The following PSPH variants were observed in gnomAD, a reference collection of about 807,000 sequenced individuals.
PSPH encodes the protein L-3-phosphoserine phosphatase.
PSPH carries 16 observed loss-of-function variants against 23.4 expected under a neutral mutation model. The ratio of observed to expected loss-of-function variants is 0.68; its 90% CI spans 0.46 to 1.04. The LOEUF (loss-of-function observed/expected upper bound fraction) is 1.04. PSPH is among the 50% of genes least tolerant of loss of function. The pLI is 0.00. For missense variants in PSPH, 223 were observed against 273.7 expected, an observed-to-expected ratio of 0.81 and a Z score of 1.31; for synonymous variants, 68 against 99.7, an observed-to-expected ratio of 0.68 and a Z score of 1.89.
intron 7 of PSPH, among the ~76,000 whole-genome samples, chr7:56,013,690 C>T (rs1271942877): frequency 6.6e-6 from 1 of 151,370 alleles, no homozygotes; most frequent in Non-Finnish European, 1.5e-5. Flanking sequence ...ATGATCGCAA[C>T]ACTGCACTCC....
In PSPH at chr7:56,017,272, G is replaced by A. The variant is rs779729211; in HGVS notation, c.383C>T (p.Thr128Ile). 5 of 1,613,870 alleles carry A rather than the reference G, an allele frequency of 3.1e-6. No homozygotes were observed. The highest frequency in any genetic ancestry group is 2.2e-5 in the East Asian group (1 of 44,856). Residue 128 changes from threonine (T) to isoleucine (I), a missense_variant, in exon 6 of 8, where the codon ACC becomes ATC. Physicochemically the swap from Thr to Ile is moderately conservative, Grantham distance 89. Transcript: ENST00000275605. Reference protein sequence around the residue: ...HVASKLNIPATNVFANRLKFY... With the variant: ...HVASKLNIPAINVFANRLKFY... ...TTTCAGCCTATTGGCAAATACATTG[G>A]TTGCTGGGATATTGAGCTTTGAAGC...
chr7:56,042,025 C>G (rs1461500390), intron 1 of PSPH, among the ~76,000 whole-genome samples: 1 of 151,656 alleles, frequency 6.6e-6, no homozygotes, highest in Non-Finnish European at 1.5e-5. Flanking sequence ...GAGTTCGAGA[C>G]CAGCCTGGCC....
chr7:56,032,823 G>A (rs1240427411), intron 2 of PSPH, among the ~76,000 whole-genome samples: 7 of 151,916 alleles, frequency 4.6e-5, no homozygotes, highest in African/African-American at 9.7e-5. Flanking sequence ...ATGGTGGTGC[G>A]TATTTGTAGT....
At chr7:56,047,367 C>T (rs1425891426) in intron 1 of PSPH, among the ~76,000 whole-genome samples, 2 of 148,810 alleles carry the variant, frequency 1.3e-5, no homozygotes, top group African/African-American at 2.5e-5. Context: ...CCAGCCTGGG[C>T]GACAGGGTGA....
chr7:56,012,454 C>G (rs1214572576), intron 7 of PSPH, among the ~76,000 whole-genome samples: 2 of 151,552 alleles, frequency 1.3e-5, no homozygotes, highest in Non-Finnish European at 2.9e-5. Flanking sequence ...GTGCTGGGAT[C>G]ACAGGCGTGA....
chr7:56,044,454 A>G (rs1293101040), intron 1 of PSPH, among the ~76,000 whole-genome samples: 5 of 152,204 alleles, frequency 3.3e-5, no homozygotes, highest in African/African-American at 1.2e-4. Context: ...TAGAAAAATT[A>G]GGAGGACAAA....
At position 56,011,661 on chromosome 7, in the gene PSPH, T is replaced by C; in HGVS notation, c.*101A>G. ...AAGTACAGATCATTTGTACCAACTT[T>C]CTATAGCAAGTTGTAATAGGCAACT... On this transcript the variant is annotated 3_prime_UTR_variant, in exon 8 of 8. Transcript: ENST00000275605. 1 of 905,458 alleles carries C rather than the reference T, an allele frequency of 1.1e-6. No individual in the cohort carries two copies. The highest frequency in any genetic ancestry group is 1.8e-6 in the Non-Finnish European group (1 of 551,092). 56.1% of individuals were successfully genotyped at this position (905,458 alleles called of 1,614,324 possible).
At chr7:56,029,057 C>T (rs1421974284) in intron 3 of PSPH, among the ~76,000 whole-genome samples, 2 of 152,046 alleles carry the variant, frequency 1.3e-5, no homozygotes, top group Admixed American at 1.3e-4. Context: ...TCAAGTGATT[C>T]ACCTGCCTCG....
intron 1 of PSPH, among the ~76,000 whole-genome samples, chr7:56,047,669 CTTTT>C (rs1197894960): frequency 1.4e-5 from 2 of 138,486 alleles, no homozygotes; most frequent in Admixed American, 7.3e-5. Flanking sequence ...GAATAACCTG[CTTTT>C]TTTTTTTTTT....
intron 3 of PSPH, among the ~76,000 whole-genome samples, chr7:56,021,805 C>A (rs1397110269): frequency 6.6e-6 from 1 of 151,500 alleles, no homozygotes; most frequent in South Asian, 2.1e-4. Flanking sequence ...AAAAAATTAG[C>A]CGGGCGTGGT....
chr7:56,049,814 C>T (rs1793757487), intron 1 of PSPH, among the ~76,000 whole-genome samples: 1 of 151,762 alleles, frequency 6.6e-6, no homozygotes, highest in Non-Finnish European at 1.5e-5. Flanking sequence ...GATCTCGGCT[C>T]ACTGCAACCT....
intron 1 of PSPH, among the ~76,000 whole-genome samples, chr7:56,038,167 G>A (rs1370895397): frequency 1.3e-5 from 2 of 151,514 alleles, no homozygotes; most frequent in Non-Finnish European, 2.9e-5. Flanking sequence ...GGCCAGGTGC[G>A]GTGGCTCACA....
At chr7:56,038,697 G>C (rs749433545) in intron 1 of PSPH, among the ~76,000 whole-genome samples, 1 of 151,492 alleles carries the variant, frequency 6.6e-6, no homozygotes. Flanking sequence ...TTAGCTGGAC[G>C]TGCACACACC....
intron 1 of PSPH, among the ~76,000 whole-genome samples, chr7:56,035,769 A>G (rs1172752930): frequency 6.6e-6 from 1 of 151,906 alleles, no homozygotes; most frequent in East Asian, 2.0e-4. Flanking sequence ...ACAAGCGCAC[A>G]CTACCGTGCC....
At chr7:56,034,302 C>G (rs1447565083) in intron 1 of PSPH, 196 bp from the exon 2 acceptor site, 1 of 152,248 alleles carries the variant, frequency 6.6e-6, no homozygotes, top group African/African-American at 2.4e-5. Context: ...CCTGTGGCAC[C>G]TCCGCTTTGC....
At chr7:56,036,466 A>G (rs1221187697) in intron 1 of PSPH, among the ~76,000 whole-genome samples, 3 of 152,054 alleles carry the variant, frequency 2.0e-5, no homozygotes, top group Non-Finnish European at 2.9e-5. Flanking sequence ...TAAAATATTT[A>G]TATTTACTAA....
intron 3 of PSPH, among the ~76,000 whole-genome samples, chr7:56,025,387 G>GC (rs1229731658): frequency 6.6e-6 from 1 of 151,350 alleles, no homozygotes; most frequent in Non-Finnish European, 1.5e-5. Context: ...AGCCTCCTGA[G>GC]CAGCTGGGAC....
chr7:56,034,345 G>A (rs1160139137), intron 1 of PSPH, among the ~76,000 whole-genome samples: 1 of 152,172 alleles, frequency 6.6e-6, no homozygotes, highest in Non-Finnish European at 1.5e-5. Flanking sequence ...TTCAGAAGCT[G>A]CTCCGCGCTG....
chr7:56,013,120 T>TAC (rs34353407), intron 7 of PSPH, among the ~76,000 whole-genome samples: 6,418 of 148,266 alleles, frequency 0.043, 260 homozygotes, highest in East Asian at 0.21. Context: ...TATATTTATA[T>TAC]ACACACACAT....
Sources: allele counts gnomAD v4.1 joint callset (sites outside exome capture counted in the v4.1 genomes callset), GRCh38; gene constraint gnomAD v4.1.1; transcripts MANE v1.5; gene names NCBI Gene and HGNC (gene_info 2026-07-23, HGNC 2026-07-21).